Variants in MAP1LC3A observed in about 807,000 individuals in gnomAD.
MAP1LC3A encodes microtubule-associated protein 1 light chain 3 alpha.
A neutral mutation model predicts 15.2 loss-of-function variants in MAP1LC3A; 10 were observed. The ratio of observed to expected loss-of-function variants is 0.66; its 90% CI spans 0.41 to 1.12. The LOEUF (loss-of-function observed/expected upper bound fraction) is 1.12. Ranked by LOEUF, MAP1LC3A falls within the 50% of genes most tolerant of loss-of-function variation. The pLI is 0.00. For synonymous variants in MAP1LC3A, 63 were observed against 64.3 expected (o/e 0.98, Z 0.10); for missense variants, 138 against 167.3 (o/e 0.82, Z 0.97).
At chr20:34,558,015 G>A (rs1013407585), upstream of MAP1LC3A, 180 of 948,668 alleles carry the variant, frequency 1.9e-4, no homozygotes, top group Non-Finnish European at 2.1e-4. The surrounding 1 kb of genome is among the most constrained non-coding windows in gnomAD (Gnocchi z 4.3). Flanking sequence ...CTCTTTTTCA[G>A]GAACTGTCTC....
At chr20:34,548,539 G>A (rs761384625) in intron 1 of MAP1LC3A, among the ~76,000 whole-genome samples, 15 of 152,190 alleles carry the variant, frequency 9.9e-5, no homozygotes, top group Non-Finnish European at 1.8e-4. Context: ...GGAATGGCCA[G>A]GTCTGAGGCC....
Position 34,559,369 on chromosome 20 carries a change from GT to G in MAP1LC3A, c.120del (p.Glu41ArgfsTer20). The G allele has an allele frequency of 5.0e-6, 8 of 1,613,170 alleles. No homozygotes were observed. The highest frequency in any genetic ancestry group is 6.8e-6 in the Non-Finnish European group (8 of 1,179,668). On this transcript the variant is annotated frameshift_variant, in exon 3 of 4. Transcript: ENST00000360668. LOFTEE classifies it high-confidence loss of function. ...CAGGTGATCATCGAGCGCTACAAGGGTGAGAAGCAGCTGCCCGTCCTGGACA... is the reference window on the plus strand; with the variant it reads ...CAGGTGATCATCGAGCGCTACAAGGGGAGAAGCAGCTGCCCGTCCTGGACA... ...KIPVIIERYK[G>X]EKQLPVLDKT...
At chr20:34,557,779 G>T (rs924676878), upstream of MAP1LC3A, among the ~76,000 whole-genome samples, 3 of 152,108 alleles carry the variant, frequency 2.0e-5, no homozygotes, top group African/African-American at 7.2e-5. Flanking sequence ...ACAATAATTA[G>T]CTGGGGGTGG....
At position 34,560,012 on chromosome 20, in the gene MAP1LC3A, G is replaced by A. The variant is rs981066055; in HGVS notation, c.*114G>A. ...CTACCGTGGTGGGCTGGGCAGGCAT[G>A]TGCCCCCCTAGTCAGAGGGCACCAA... is the stretch of plus-strand genomic sequence containing the variant. On this transcript the variant is annotated 3_prime_UTR_variant, in exon 4 of 4. Coordinates refer to ENST00000360668, the MANE Select transcript of MAP1LC3A (RefSeq NM_032514.4). 1.1e-4 allele frequency: 128 copies of A among 1,169,060 alleles called. No homozygotes were observed. The highest frequency in any genetic ancestry group is 2.5e-4 in the South Asian group (16 of 65,214). The allele number at this position is 1,169,060 out of a possible 1,614,324, so 72.4% of individuals were successfully genotyped here.
chr20:34,559,592 G>A (rs966805513), intron 3 of MAP1LC3A, 139 bp downstream of exon 3: 1 of 1,238,632 alleles, frequency 8.1e-7, no homozygotes, highest in African/African-American at 1.5e-5. Context: ...AAAGGTCAAG[G>A]TCGGGGCTGC....
In MAP1LC3A at chr20:34,560,131, A is replaced by G; in HGVS notation, c.*233A>G. On this transcript the variant is annotated 3_prime_UTR_variant, in exon 4 of 4. Coordinates refer to ENST00000360668, the MANE Select transcript of MAP1LC3A (RefSeq NM_032514.4). ...GGTGGGATGGGGGAGGGTGGGGAGCAGCTCCCAGCACCCCTGCTGTGTGGT... is the reference window on the plus strand; with the variant it reads ...GGTGGGATGGGGGAGGGTGGGGAGCGGCTCCCAGCACCCCTGCTGTGTGGT... 1 of 419,050 alleles carries G rather than the reference A, an allele frequency of 2.4e-6. No homozygotes were observed. The highest frequency in any genetic ancestry group is 4.3e-5 in the Admixed American group (1 of 23,188). 26.0% of individuals were successfully genotyped at this position (419,050 alleles called of 1,614,324 possible). A position where few individuals can be genotyped will look rare whatever the true frequency, so the allele number is the denominator to read the frequency against.
chr20:34,554,754 C>T (rs1272597455), upstream of MAP1LC3A, among the ~76,000 whole-genome samples: 2 of 152,050 alleles, frequency 1.3e-5, no homozygotes, highest in African/African-American at 4.8e-5. Flanking sequence ...CTACAACCTC[C>T]ACCTCCCTGG....
At chr20:34,559,543 A>C in intron 3 of MAP1LC3A, 90 bp downstream of exon 3, 1 of 1,335,084 alleles carries the variant, frequency 7.5e-7, no homozygotes, top group Non-Finnish European at 1.1e-6. Flanking sequence ...GTCAGGGGTG[A>C]TGGGACCGGG....
chr20:34,550,067 A>G (rs1277287116), intron 2 of MAP1LC3A: 1 of 1,602,128 alleles, frequency 6.2e-7, no homozygotes, highest in Non-Finnish European at 8.6e-7. Flanking sequence ...GAAGGAGCTC[A>G]GGGCCTATGG....
intron 2 of MAP1LC3A, among the ~76,000 whole-genome samples, chr20:34,551,337 C>T (rs549334958): frequency 2.6e-5 from 4 of 152,044 alleles, no homozygotes; most frequent in East Asian, 3.9e-4. Context: ...GAATACATGC[C>T]GTATGATTCC....
At chr20:34,559,013 T>TCGGGCTGGGACCAGCTC (rs1982290373) in intron 1 of MAP1LC3A, 105 bp downstream of exon 1, 5 of 1,336,454 alleles carry the variant, frequency 3.7e-6, no homozygotes, top group Non-Finnish European at 3.8e-6. Context: ...GGCTGGACCC[T>TCGGGCTGGGACCAGCTC]CGGGCTGGGA....
At position 34,560,015 on chromosome 20, in the gene MAP1LC3A, C is replaced by T; in HGVS notation, c.*117C>T. On this transcript the variant is annotated 3_prime_UTR_variant, in exon 4 of 4. Transcript: ENST00000360668. ...CCGTGGTGGGCTGGGCAGGCATGTG[C>T]CCCCCTAGTCAGAGGGCACCAACCC... 1.8e-6 allele frequency: 2 copies of T among 1,132,830 alleles called. No individual in the cohort carries two copies. The highest frequency in any genetic ancestry group is 1.2e-6 in the Non-Finnish European group (1 of 810,422). 70.2% of individuals were successfully genotyped at this position (1,132,830 alleles called of 1,614,324 possible). A position where few individuals can be genotyped will look rare whatever the true frequency, so the allele number is the denominator to read the frequency against.
chr20:34,559,789 A>T lies in MAP1LC3A; in HGVS notation c.257A>T (p.His86Leu). Residue 86 changes from histidine (H) to leucine (L), a missense_variant, in exon 4 of 4, where the codon CAC becomes CTC. By Grantham distance (99) the His-to-Leu change is moderately conservative. Transcript: ENST00000360668. The part of the protein sequence containing the change: ...TQAFFLLVNQ[H>L]SMVSVSTPIA... ...GCCTTCTTCCTGCTGGTGAACCAGC[A>T]CAGCATGGTGAGTGTGTCCACGCCC... The T allele has an allele frequency of 6.2e-7, 1 of 1,613,678 alleles. No individual in the cohort carries two copies.
upstream of MAP1LC3A, among the ~76,000 whole-genome samples, chr20:34,557,428 C>T (rs947746876): frequency 2.0e-5 from 3 of 152,064 alleles, no homozygotes; most frequent in Non-Finnish European, 4.4e-5. Context: ...GTCTCTTTAA[C>T]CCCCTCTCAA....
At chr20:34,554,283 T>C (rs541781637), upstream of MAP1LC3A, among the ~76,000 whole-genome samples, 1 of 152,012 alleles carries the variant, frequency 6.6e-6, no homozygotes, top group South Asian at 2.1e-4. Context: ...TCCTGGCTTT[T>C]AAGAGAATAT....
Position 34,560,240 on chromosome 20 carries a change from C to T in MAP1LC3A, c.*342C>T, listed in dbSNP as rs1982404342. 1 of 257,962 alleles carries T rather than the reference C, an allele frequency of 3.9e-6. No homozygotes were observed. The highest frequency in any genetic ancestry group is 7.5e-6 in the Non-Finnish European group (1 of 133,044). 16.0% of individuals were successfully genotyped at this position (257,962 alleles called of 1,614,324 possible). A position where few individuals can be genotyped will look rare whatever the true frequency, so the allele number is the denominator to read the frequency against. ...CTGCCCACCGCCTGGACCTGCCCAC[C>T]CCTGAAAGACTGGCCCCTGGCTCCC... On this transcript the variant is annotated 3_prime_UTR_variant, in exon 4 of 4. Coordinates refer to ENST00000360668, the MANE Select transcript of MAP1LC3A (RefSeq NM_032514.4).
chr20:34,557,428 C>A (rs947746876), upstream of MAP1LC3A, among the ~76,000 whole-genome samples: 12 of 152,064 alleles, frequency 7.9e-5, no homozygotes, highest in South Asian at 2.1e-4. Flanking sequence ...GTCTCTTTAA[C>A]CCCCTCTCAA....
chr20:34,559,467 C>G lies in MAP1LC3A; in HGVS notation c.203+14C>G. ...CAAGATCATCCGGTGCGTGGGCAGC[C>G]GCCGCCAGGAGGTGGCTAGGGTCGG... On this transcript the variant is annotated intron_variant, in intron 3 of 3. Coordinates refer to ENST00000360668, the MANE Select transcript of MAP1LC3A (RefSeq NM_032514.4). 1 of 1,606,298 alleles carries G rather than the reference C, an allele frequency of 6.2e-7. No homozygotes were observed. Among genetic ancestry groups the G allele is most frequent in the Non-Finnish European group, 8.5e-7 (1 of 1,175,800 alleles).
intron 1 of MAP1LC3A, among the ~76,000 whole-genome samples, chr20:34,549,411 G>A (rs1282623823): frequency 7.2e-5 from 11 of 152,124 alleles, no homozygotes; most frequent in African/African-American, 1.4e-4. Context: ...GTGTCCTCCC[G>A]ATATGAGGCC....
Sources: allele counts gnomAD v4.1 joint callset (sites outside exome capture counted in the v4.1 genomes callset), GRCh38; gene constraint gnomAD v4.1.1; non-coding constraint Gnocchi (gnomAD v3.1); transcripts MANE v1.5; gene names NCBI Gene and HGNC (gene_info 2026-07-23, HGNC 2026-07-21).